Variants in SLIT3 observed in about 807,000 individuals in gnomAD.
The protein encoded by SLIT3 is slit homolog 3 protein.
SLIT3 carries 68 observed loss-of-function variants against 184.0 expected under a neutral mutation model. The ratio of observed to expected loss-of-function variants is 0.37; its 90% CI spans 0.30 to 0.45. The LOEUF is 0.45. SLIT3 is among the 20% of genes least tolerant of loss of function. SLIT3 has a pLI of 1.00. For missense variants in SLIT3, 1,707 were observed against 2,026.0 expected (o/e 0.84, Z 3.02); for synonymous variants, 831 against 828.6 (o/e 1.00, Z -0.05).
intron 4 of SLIT3, among the ~76,000 whole-genome samples, chr5:169,032,166 A>T (rs891960): frequency 0.11 from 16,359 of 152,174 alleles, 1,532 homozygotes; most frequent in African/African-American, 0.25. Flanking sequence ...GTGAAAGTCG[A>T]CTGTAAATGG....
chr5:169,028,522 C>A (rs993459749), intron 4 of SLIT3, among the ~76,000 whole-genome samples: 2 of 152,244 alleles, frequency 1.3e-5, no homozygotes, highest in African/African-American at 2.4e-5. Flanking sequence ...ATGTAAAGTG[C>A]CTTGTACAGT....
At chr5:169,017,379 C>T (rs1561609863) in intron 4 of SLIT3, among the ~76,000 whole-genome samples, 2 of 152,154 alleles carry the variant, frequency 1.3e-5, no homozygotes, top group South Asian at 2.1e-4. Flanking sequence ...ACTGAAGGTC[C>T]CTAATACGGA....
intron 28 of SLIT3, among the ~76,000 whole-genome samples, chr5:168,694,514 A>G (rs1185719322): frequency 2.0e-5 from 3 of 152,230 alleles, no homozygotes; most frequent in Non-Finnish European, 4.4e-5. Context: ...CTTGGCTACA[A>G]TTCCGCTCTC....
intron 23 of SLIT3, among the ~76,000 whole-genome samples, chr5:168,721,265 G>A (rs1762932612): frequency 6.6e-6 from 1 of 152,174 alleles, no homozygotes; most frequent in Non-Finnish European, 1.5e-5. Flanking sequence ...AGCAAGATGG[G>A]AAGGCACAAA....
chr5:169,056,754 T>C (rs945391686), intron 4 of SLIT3, among the ~76,000 whole-genome samples: 4 of 152,206 alleles, frequency 2.6e-5, no homozygotes, highest in Non-Finnish European at 5.9e-5. Flanking sequence ...AGGGAGCAGA[T>C]TGGCGGAGCT....
intron 5 of SLIT3, among the ~76,000 whole-genome samples, chr5:168,848,846 A>G (rs1227276814): frequency 6.6e-6 from 1 of 152,236 alleles, no homozygotes; most frequent in Non-Finnish European, 1.5e-5. Context: ...TAAGCATAAT[A>G]TACTCCTATT....
At chr5:168,984,318 C>T (rs540828684) in intron 4 of SLIT3, among the ~76,000 whole-genome samples, 1 of 152,196 alleles carries the variant, frequency 6.6e-6, no homozygotes, top group South Asian at 2.1e-4. Flanking sequence ...ATGCAGAGCT[C>T]CTCAAATTGC....
chr5:169,104,221 C>A (rs866379939), intron 4 of SLIT3, among the ~76,000 whole-genome samples: 10 of 152,102 alleles, frequency 6.6e-5, no homozygotes, highest in African/African-American at 2.4e-4. Context: ...CCCATGAAGC[C>A]GCGCCGGGAA....
intron 4 of SLIT3, among the ~76,000 whole-genome samples, chr5:169,179,618 A>T (rs1194448748): frequency 6.7e-6 from 1 of 149,132 alleles, no homozygotes; most frequent in Non-Finnish European, 1.5e-5. Context: ...CTGTTGGAGT[A>T]TGAAATCCTC....
chr5:169,151,948 C>T (rs1170148925), intron 4 of SLIT3, among the ~76,000 whole-genome samples: 1 of 152,216 alleles, frequency 6.6e-6, no homozygotes, highest in Non-Finnish European at 1.5e-5. Context: ...ATGATCAGAG[C>T]ACCTGTCTCA....
At chr5:168,904,645 G>A (rs1760985206) in intron 4 of SLIT3, among the ~76,000 whole-genome samples, 1 of 152,158 alleles carries the variant, frequency 6.6e-6, no homozygotes, top group Non-Finnish European at 1.5e-5. Flanking sequence ...CAGCTCTGGG[G>A]ACAAGAATGA....
chr5:168,920,823 C>A (rs1004474551), intron 4 of SLIT3, among the ~76,000 whole-genome samples: 3 of 151,934 alleles, frequency 2.0e-5, no homozygotes, highest in Non-Finnish European at 2.9e-5. Flanking sequence ...TTTTAAAAAA[C>A]AGGAATCAGA....
intron 1 of SLIT3, among the ~76,000 whole-genome samples, chr5:169,284,661 A>G (rs1370080263): frequency 6.6e-6 from 1 of 152,200 alleles, no homozygotes; most frequent in Non-Finnish European, 1.5e-5. Context: ...GAAGGGACTT[A>G]TCTACATTCA....
At chr5:168,675,272 A>C (rs1761371555) in intron 32 of SLIT3, among the ~76,000 whole-genome samples, 1 of 152,172 alleles carries the variant, frequency 6.6e-6, no homozygotes, top group African/African-American at 2.4e-5. Flanking sequence ...TGGCTCCAAC[A>C]AGAGGATCCC....
chr5:168,864,177 CGACA>C (rs1759218166), intron 5 of SLIT3, among the ~76,000 whole-genome samples: 1 of 152,086 alleles, frequency 6.6e-6, no homozygotes, highest in Non-Finnish European at 1.5e-5. Flanking sequence ...CCAGCCCGGC[CGACA>C]AAGTGAGACC....
At chr5:169,044,145 T>C (rs1273437429) in intron 4 of SLIT3, among the ~76,000 whole-genome samples, 2 of 152,170 alleles carry the variant, frequency 1.3e-5, no homozygotes, top group Non-Finnish European at 2.9e-5. Flanking sequence ...ATAACAAGTG[T>C]TGGCAAGGAT....
intron 1 of SLIT3, among the ~76,000 whole-genome samples, chr5:169,257,176 A>C (rs1437621215): frequency 6.6e-6 from 1 of 152,144 alleles, no homozygotes; most frequent in Non-Finnish European, 1.5e-5. Context: ...ACAGGAGCAC[A>C]AGTACTATAT....
intron 19 of SLIT3, 30 bp downstream of exon 19, chr5:168,749,442 C>T (rs1226039339): frequency 2.5e-6 from 4 of 1,612,804 alleles, no homozygotes; most frequent in East Asian, 2.2e-5. Context: ...CAGGGCCTTC[C>T]CCGCAGACCT....
chr5:169,191,386 C>T (rs1763546351), intron 4 of SLIT3, among the ~76,000 whole-genome samples: 1 of 152,166 alleles, frequency 6.6e-6, no homozygotes, highest in Non-Finnish European at 1.5e-5. Flanking sequence ...GAAGCAAAAG[C>T]TCAGGGTAAT....
Sources: gnomAD v4.1 joint callset for allele counts (sites outside exome capture counted in the v4.1 genomes callset) on GRCh38, gnomAD v4.1.1 for gene constraint, MANE v1.5 for transcripts, NCBI Gene and HGNC (gene_info 2026-07-23, HGNC 2026-07-21) for gene names.